Variants in NTM observed in about 807,000 individuals in gnomAD.
The protein encoded by NTM is IgLON family member 2.
A neutral mutation model predicts 42.1 loss-of-function variants in NTM; 13 were observed. The ratio of observed to expected loss-of-function variants is 0.31; its 90% CI spans 0.20 to 0.49. NTM has a LOEUF of 0.49. Ranked by LOEUF, NTM falls within the 20% of genes least tolerant of loss-of-function variation. The pLI is 0.99. For missense variants in NTM, 373 were observed against 452.8 expected (o/e 0.82, Z 1.60); for synonymous variants, 187 against 179.2 (o/e 1.04, Z -0.35).
At chr11:131,911,399 C>T in intron 1 of NTM, 165 bp from the exon 2 acceptor site, 1 of 1,595,028 alleles carries the variant, frequency 6.3e-7, no homozygotes, top group Non-Finnish European at 8.6e-7. Flanking sequence ...GCGCTCGCTC[C>T]GCACCCCACC....
At chr11:131,814,708 G>C (rs1016740177) in intron 1 of NTM, among the ~76,000 whole-genome samples, 1 of 152,116 alleles carries the variant, frequency 6.6e-6, no homozygotes, top group African/African-American at 2.4e-5. Context: ...TCCTTGCTGC[G>C]CGTCTTGCGT....
At chr11:131,873,135 G>T (rs2047972001) in intron 1 of NTM, among the ~76,000 whole-genome samples, 1 of 152,042 alleles carries the variant, frequency 6.6e-6, no homozygotes, top group South Asian at 2.1e-4. Context: ...ATGATAGACT[G>T]GATAAAGAAA....
intron 2 of NTM, among the ~76,000 whole-genome samples, chr11:132,055,639 A>ATG (rs1462659485): frequency 6.8e-6 from 1 of 147,490 alleles, no homozygotes; most frequent in Non-Finnish European, 1.5e-5. Context: ...GTGCGTGTGC[A>ATG]TGTGTGTGTG....
chr11:131,849,074 G>C (rs966698070), intron 1 of NTM, among the ~76,000 whole-genome samples: 1 of 152,080 alleles, frequency 6.6e-6, no homozygotes, highest in Admixed American at 6.5e-5. Flanking sequence ...ACTCATTACC[G>C]TTAGGATTTT....
chr11:131,907,568 G>A (rs541399414), intron 1 of NTM, among the ~76,000 whole-genome samples: 2 of 152,326 alleles, frequency 1.3e-5, no homozygotes, highest in African/African-American at 4.8e-5. Context: ...ACAGCTGTCA[G>A]CACAGAGACA....
At chr11:131,664,976 G>A (rs552890006) in intron 1 of NTM, among the ~76,000 whole-genome samples, 12 of 152,062 alleles carry the variant, frequency 7.9e-5, no homozygotes, top group Admixed American at 7.2e-4. Context: ...GCTTCTGCTG[G>A]GCACCAGAGG....
chr11:131,649,416 C>T (rs1199783461), intron 1 of NTM, among the ~76,000 whole-genome samples: 3 of 152,128 alleles, frequency 2.0e-5, no homozygotes, highest in Non-Finnish European at 2.9e-5. Context: ...GTGGTCTGAA[C>T]GTTCCCAAGG....
At chr11:131,504,054 T>C (rs1310463441) in intron 1 of NTM, among the ~76,000 whole-genome samples, 1 of 152,160 alleles carries the variant, frequency 6.6e-6, no homozygotes, top group Admixed American at 6.5e-5. Context: ...TCCAGCTGTC[T>C]CTGACCCACA....
At position 132,336,202 on chromosome 11, in the gene NTM, A is replaced by C. The variant is rs1052057883; in HGVS notation, c.*1056A>C. 4 of 152,012 alleles carry C rather than the reference A, an allele frequency of 2.6e-5. No individual in the cohort carries two copies. The highest frequency in any genetic ancestry group is 1.3e-4 in the Admixed American group (2 of 15,224). The allele number at this position is 152,012 out of a possible 1,614,324, so 9.4% of individuals were successfully genotyped here. ...TATATACATATATTTTTTTTGTTAG[A>C]GTTCTAGCCATTTTATTTCTCCGCA... On this transcript the variant is annotated 3_prime_UTR_variant, in exon 9 of 9. Coordinates refer to ENST00000683400, the MANE Select transcript of NTM (RefSeq NM_001352005.2).
At chr11:131,525,640 G>A (rs967291831) in intron 1 of NTM, among the ~76,000 whole-genome samples, 20 of 152,162 alleles carry the variant, frequency 1.3e-4, no homozygotes, top group African/African-American at 4.8e-4. Context: ...AAGGTCATCC[G>A]ACTACACTGC....
intron 2 of NTM, among the ~76,000 whole-genome samples, chr11:132,105,754 A>G (rs1056669024): frequency 1.3e-5 from 2 of 152,224 alleles, no homozygotes; most frequent in African/African-American, 2.4e-5. Flanking sequence ...GGCTTCTGTC[A>G]TCATGCAGCC....
At chr11:132,179,192 A>G (rs952938857) in intron 3 of NTM, among the ~76,000 whole-genome samples, 7 of 152,190 alleles carry the variant, frequency 4.6e-5, no homozygotes, top group African/African-American at 1.7e-4. Context: ...ATCAAAACCA[A>G]ACCGGATCAA....
At chr11:132,312,229 GCCCATCT>G (rs2095302335) in intron 6 of NTM, among the ~76,000 whole-genome samples, 1 of 152,150 alleles carries the variant, frequency 6.6e-6, no homozygotes, top group Non-Finnish European at 1.5e-5. Flanking sequence ...GCCAGCTCTA[GCCCATCT>G]CCCATTTTCA....
chr11:131,986,762 C>G (rs1050926806), intron 2 of NTM, among the ~76,000 whole-genome samples: 1 of 152,138 alleles, frequency 6.6e-6, no homozygotes, highest in African/African-American at 2.4e-5. Context: ...ATTTAGGGCT[C>G]TATTGCCACT....
At chr11:131,864,237 G>T (rs1592355110) in intron 1 of NTM, among the ~76,000 whole-genome samples, 1 of 152,146 alleles carries the variant, frequency 6.6e-6, no homozygotes, top group Non-Finnish European at 1.5e-5. Flanking sequence ...AACGAAAGAC[G>T]AAACAAATCC....
At chr11:131,604,579 T>C (rs902628360) in intron 1 of NTM, among the ~76,000 whole-genome samples, 1 of 152,246 alleles carries the variant, frequency 6.6e-6, no homozygotes, top group Admixed American at 6.5e-5. Flanking sequence ...TTTGTTGTCA[T>C]ATCTAAGAAG....
At chr11:132,071,211 C>G (rs78062939) in intron 2 of NTM, among the ~76,000 whole-genome samples, 1 of 130,498 alleles carries the variant, frequency 7.7e-6, no homozygotes, top group African/African-American at 2.8e-5. Flanking sequence ...TAACACGTCA[C>G]ACTGACCATC....
intron 1 of NTM, among the ~76,000 whole-genome samples, chr11:131,483,466 A>T (rs1287143175): frequency 6.6e-6 from 1 of 152,264 alleles, no homozygotes; most frequent in Admixed American, 6.5e-5. Flanking sequence ...AGTTAATAAG[A>T]AGCAGCTCCA....
chr11:131,747,053 T>C (rs2081915969), intron 1 of NTM, among the ~76,000 whole-genome samples: 1 of 152,230 alleles, frequency 6.6e-6, no homozygotes, highest in South Asian at 2.1e-4. Context: ...CATTCTGTTA[T>C]ACATATATGT....
Sources: allele counts gnomAD v4.1 joint callset (sites outside exome capture counted in the v4.1 genomes callset), GRCh38; gene constraint gnomAD v4.1.1; transcripts MANE v1.5; gene names NCBI Gene and HGNC (gene_info 2026-07-23, HGNC 2026-07-21).